Variants in EMC3 observed in about 807,000 individuals in gnomAD.
The protein encoded by EMC3 is 30 kDa protein.
Under a neutral mutation model 36.6 loss-of-function variants are expected in EMC3, and 13 were observed. The ratio of observed to expected loss-of-function variants is 0.35; its 90% CI spans 0.23 to 0.56. The LOEUF is 0.56. EMC3 is among the 20% of genes least tolerant of loss of function. EMC3 has a pLI of 0.84. For synonymous variants in EMC3, 120 were observed against 111.9 expected (o/e 1.07, Z -0.46); for missense variants, 220 against 324.5 (o/e 0.68, Z 2.47).
chr3:9,998,467 T>A (rs3107640), intron 1 of EMC3, among the ~76,000 whole-genome samples: 1 of 151,360 alleles, frequency 6.6e-6, no homozygotes, highest in Non-Finnish European at 1.5e-5. Flanking sequence ...TCTTGCTCTG[T>A]CACCCAGGCT....
chr3:9,986,528 G>A lies in EMC3; in HGVS notation c.134C>T (p.Thr45Ile). 6.2e-7 allele frequency: 1 copy of A among 1,614,182 alleles called. No individual in the cohort carries two copies. The highest frequency in any genetic ancestry group is 1.3e-5 in the African/African-American group (1 of 75,052). The stretch of plus-strand genomic sequence containing the variant: ...TGACCTGTCAGATACTTGTTCCTGG[G>A]TGAGCTTCTTGTCGCTCTGCAGCAG... ...SILLQSDKKL[T>I]QEQVSDSQVL... Residue 45 changes from threonine (T) to isoleucine (I), a missense_variant, in exon 1 of 8, where the codon ACC becomes ATC. Physicochemically the swap from Thr to Ile is moderately conservative, Grantham distance 89 (BLOSUM62 -1). Around this residue, in one of 3 missense-constraint regions of EMC3, gnomAD observed 127 missense variants for 174.6 expected, o/e 0.73. Coordinates refer to ENST00000245046, the MANE Select transcript of EMC3 (RefSeq NM_001394674.1).
intron 1 of EMC3, chr3:9,993,105 C>G (rs554530784): frequency 2.7e-6 from 2 of 751,720 alleles, no homozygotes; most frequent in African/African-American, 3.5e-5. Context: ...TTGTTCAAAC[C>G]CATTGAAATT....
chr3:9,980,541 TTTTG>T (rs1165337373), intron 1 of EMC3, among the ~76,000 whole-genome samples: 3 of 140,600 alleles, frequency 2.1e-5, no homozygotes, highest in Non-Finnish European at 3.1e-5. Context: ...AACTTTTGTG[TTTTG>T]TTTTTTTTGT....
At chr3:9,986,425 T>C in intron 1 of EMC3, 82 bp downstream of exon 1, 2 of 1,545,986 alleles carry the variant, frequency 1.3e-6, no homozygotes, top group Non-Finnish European at 1.8e-6. Flanking sequence ...GACGTGAACC[T>C]AGGCAAATTG....
chr3:9,973,566 C>G, intron 5 of EMC3, 62 bp downstream of exon 5: 1 of 1,465,994 alleles, frequency 6.8e-7, no homozygotes, highest in Non-Finnish European at 9.6e-7. Flanking sequence ...CTCAAGTGAT[C>G]CTCCCGCCTT....
At chr3:9,964,230 G>A (rs780725134) in intron 7 of EMC3, 33 bp from the exon 8 acceptor site, 2 of 1,610,056 alleles carry the variant, frequency 1.2e-6, no homozygotes, top group Admixed American at 1.7e-5. Flanking sequence ...GGCAGGAAGA[G>A]AGGGAATTGT....
intron 1 of EMC3, among the ~76,000 whole-genome samples, chr3:9,998,491 G>A (rs980413305): frequency 9.3e-5 from 14 of 150,688 alleles, no homozygotes; most frequent in Non-Finnish European, 1.5e-4. Context: ...GTGCAGTGGC[G>A]TGATCATAGT....
At chr3:9,969,572 AGAGAG>A (rs1559349447) in intron 7 of EMC3, 142 bp downstream of exon 7, 1 of 1,526,830 alleles carries the variant, frequency 6.5e-7, no homozygotes, top group Non-Finnish European at 8.8e-7. Flanking sequence ...GTCTCAGGAA[AGAGAG>A]ACGTGTAAAC....
rs138304537 is a variant in EMC3 at position 9,978,597 on chromosome 3, C to G, written c.156-1151G>C. ...CTGTAATCCCAGCACTTTGGGAGGCCGAGGTGGGCGGATCACGAGGTCAGG... is the reference window on the plus strand; with the variant it reads ...CTGTAATCCCAGCACTTTGGGAGGCGGAGGTGGGCGGATCACGAGGTCAGG... On this transcript the variant is annotated intron_variant, in intron 1 of 7. Transcript: ENST00000245046. Among the ~76,000 whole-genome samples, 428 of 152,046 alleles carry G rather than the reference C, an allele frequency of 2.8e-3. 4 individuals carry two copies. The highest frequency in any genetic ancestry group is 9.8e-3 in the African/African-American group (408 of 41,452).
In EMC3 at chr3:9,963,477, A is replaced by ATATATATATATTT. The variant is rs61596273; in HGVS notation, c.*591_*592insAAATATATATATA. 5.6e-5 allele frequency: 5 copies of ATATATATATATTT among 88,924 alleles called. No homozygotes were observed. The highest frequency in any genetic ancestry group is 1.1e-4 in the Non-Finnish European group (5 of 46,270). The allele number at this position is 88,924 out of a possible 1,614,324, so 5.5% of individuals were successfully genotyped here. ...TAGATATATATATATATATATATAT[A>ATATATATATATTT]TTTTTTTTTTTTTTTCAGATGGAGT... On this transcript the variant is annotated 3_prime_UTR_variant, in exon 8 of 8. Transcript: ENST00000245046.
At chr3:10,004,723 G>A (rs1034620097) in intron 1 of EMC3, 2 of 152,286 alleles carry the variant, frequency 1.3e-5, no homozygotes, top group South Asian at 2.1e-4. Flanking sequence ...GGAGACACCA[G>A]AACGACTGTC....
chr3:9,999,039 C>T (rs902614610), intron 1 of EMC3, among the ~76,000 whole-genome samples: 6 of 151,918 alleles, frequency 3.9e-5, no homozygotes, highest in Non-Finnish European at 7.4e-5. Context: ...GTTACAGGCA[C>T]GAGCCACTGT....
chr3:10,007,771 ATGAGCT>A (rs1403444053), intron 1 of EMC3: 4 of 809,298 alleles, frequency 4.9e-6, no homozygotes, highest in Non-Finnish European at 7.0e-6. Context: ...TGGGTTCCTA[ATGAGCT>A]TGAGGTAGGT....
At chr3:9,974,325 G>A (rs2085821486) in intron 4 of EMC3, 59 bp downstream of exon 4, 2 of 1,128,978 alleles carry the variant, frequency 1.8e-6, no homozygotes, top group African/African-American at 1.5e-5. Flanking sequence ...TGATATTAGT[G>A]TCTCACTAGC....
At chr3:9,984,573 A>G (rs1039725360) in intron 1 of EMC3, among the ~76,000 whole-genome samples, 11 of 151,532 alleles carry the variant, frequency 7.3e-5, no homozygotes, top group Non-Finnish European at 1.5e-5. Flanking sequence ...TTGTATTTTT[A>G]GTAGAGACGG....
At chr3:9,968,581 T>A (rs1040547896) in intron 7 of EMC3, 1 of 152,254 alleles carries the variant, frequency 6.6e-6, no homozygotes. Flanking sequence ...CTTTCAGTCT[T>A]TCACCATTGA....
chr3:10,009,437 A>C (rs116780872), intron 1 of EMC3, among the ~76,000 whole-genome samples: 1 of 152,116 alleles, frequency 6.6e-6, no homozygotes, highest in Admixed American at 6.5e-5. Context: ...AACCCCACCA[A>C]ACCAACACCT....
intron 1 of EMC3, among the ~76,000 whole-genome samples, chr3:9,980,237 T>C (rs112662810): frequency 2.4e-4 from 37 of 151,816 alleles, no homozygotes; most frequent in African/African-American, 9.0e-4. Flanking sequence ...TGGTCTCGAA[T>C]TCCTGACATC....
chr3:10,008,498 G>A, intron 1 of EMC3: 1 of 1,366,176 alleles, frequency 7.3e-7, no homozygotes, highest in South Asian at 1.1e-5. Context: ...CTGGGGGGCT[G>A]ACAGCCATGG....
Sources: gnomAD v4.1 joint callset for allele counts (sites outside exome capture counted in the v4.1 genomes callset) on GRCh38, gnomAD v4.1.1 for gene constraint, gnomAD v4.1.1 regional missense constraint, MANE v1.5 for transcripts, NCBI Gene and HGNC (gene_info 2026-07-23, HGNC 2026-07-21) for gene names.